SENP7: variants seen among roughly 807,000 people sequenced by gnomAD.
SENP7 encodes the protein SUMO specific peptidase 7.
Under a neutral mutation model 141.2 loss-of-function variants are expected in SENP7, and 64 were observed. The ratio of observed to expected loss-of-function variants is 0.45; its 90% CI spans 0.37 to 0.56. The LOEUF (loss-of-function observed/expected upper bound fraction) is 0.56. Ranked by LOEUF, SENP7 falls within the 20% of genes least tolerant of loss-of-function variation. The pLI, the probability that SENP7 is intolerant of heterozygous loss-of-function variation, is 0.00. For missense variants in SENP7, 1,025 were observed against 1,212.2 expected (o/e 0.85, Z 2.29); for synonymous variants, 382 against 426.4 (o/e 0.90, Z 1.28).
Position 101,343,860 on chromosome 3 carries a change from T to A in SENP7, c.1932A>T (p.Ile644=). The A allele has an allele frequency of 1.2e-6, 2 of 1,613,696 alleles. No individual in the cohort carries two copies. Among genetic ancestry groups the A allele is most frequent in the Non-Finnish European group, 1.7e-6 (2 of 1,179,714 alleles). The change falls in exon 14 of 24, where the codon ATA becomes ATT. Residue 644 remains isoleucine, a synonymous_variant. Transcript: ENST00000394095. The stretch of plus-strand genomic sequence containing the variant: ...AAGAAAGCTCTAATTCTCCACTGAT[T>A]ATACTTATTTCCGTCATAATATCTT... ...KLKDIMTEIS[I]ISGELELSYP...
At chr3:101,404,511 G>A (rs892928665) in intron 5 of SENP7, among the ~76,000 whole-genome samples, 10 of 152,118 alleles carry the variant, frequency 6.6e-5, no homozygotes, top group South Asian at 6.2e-4. Flanking sequence ...AGGCAGGCAC[G>A]GGCAAAGATT....
intron 16 of SENP7, among the ~76,000 whole-genome samples, chr3:101,338,043 C>T (rs2059233751): frequency 6.6e-6 from 1 of 151,688 alleles, no homozygotes; most frequent in African/African-American, 2.4e-5. Flanking sequence ...GTCCCAGCTA[C>T]TCAGAGGGCT....
At chr3:101,445,901 A>C (rs1426041544) in intron 4 of SENP7, among the ~76,000 whole-genome samples, 1 of 152,214 alleles carries the variant, frequency 6.6e-6, no homozygotes, top group African/African-American at 2.4e-5. Context: ...ACATATTATT[A>C]GAGTTAAAAA....
At position 101,341,636 on chromosome 3, in the gene SENP7, C is replaced by T. The variant is rs1423587139; in HGVS notation, c.2240+10G>A. Reference sequence around the variant, plus strand: ...CCCATCTACTACAAACATGCTATGACAGTACATACTTCTGAACAAGTCCAG... The same window carrying T: ...CCCATCTACTACAAACATGCTATGATAGTACATACTTCTGAACAAGTCCAG... On this transcript the variant is annotated intron_variant, in intron 15 of 23. Transcript: ENST00000394095. 6.4e-7 allele frequency: 1 copy of T among 1,567,066 alleles called. No individual in the cohort carries two copies. Among genetic ancestry groups the T allele is most frequent in the East Asian group, 2.3e-5 (1 of 44,124 alleles).
intron 19 of SENP7, among the ~76,000 whole-genome samples, chr3:101,330,736 CTA>C (rs1335961812): frequency 6.6e-6 from 1 of 152,162 alleles, no homozygotes; most frequent in Non-Finnish European, 1.5e-5. Context: ...GTGCTTCTAA[CTA>C]TGACCATATA....
intron 11 of SENP7, chr3:101,357,445 G>C: frequency 9.5e-7 from 1 of 1,050,986 alleles, no homozygotes; most frequent in Non-Finnish European, 1.4e-6. Flanking sequence ...TGACTACGAA[G>C]AGACATAAGA....
intron 4 of SENP7, among the ~76,000 whole-genome samples, chr3:101,430,226 C>T (rs1391496178): frequency 6.6e-6 from 1 of 152,120 alleles, no homozygotes; most frequent in East Asian, 1.9e-4. Flanking sequence ...AGATTTTCCT[C>T]TTTTTCTATC....
chr3:101,439,238 G>A (rs2062532617), intron 4 of SENP7, among the ~76,000 whole-genome samples: 2 of 106,242 alleles, frequency 1.9e-5, no homozygotes, highest in Non-Finnish European at 4.0e-5. Context: ...CGTCTGGGAG[G>A]TGAGGAGCGT....
At chr3:101,345,777 T>C (rs1388913049) in intron 13 of SENP7, among the ~76,000 whole-genome samples, 1 of 152,118 alleles carries the variant, frequency 6.6e-6, no homozygotes, top group Non-Finnish European at 1.5e-5. Context: ...TCAAAATGGA[T>C]CAAAGACTTA....
chr3:101,449,327 T>C (rs922489413), intron 4 of SENP7, among the ~76,000 whole-genome samples: 2 of 152,100 alleles, frequency 1.3e-5, no homozygotes, highest in African/African-American at 2.4e-5. Flanking sequence ...ACTTCCCCAA[T>C]CTAGCAAGGC....
At chr3:101,463,414 T>TAC (rs1559865731) in intron 3 of SENP7, among the ~76,000 whole-genome samples, 7 of 127,924 alleles carry the variant, frequency 5.5e-5, no homozygotes, top group African/African-American at 1.9e-4. Flanking sequence ...TATATATATA[T>TAC]ATACACACAC....
chr3:101,424,870 G>A lies in SENP7; in HGVS notation c.285-7080C>T, dbSNP rs533180862. On this transcript the variant is annotated intron_variant, in intron 4 of 23. Transcript: ENST00000394095. ...TCCCACCCAAATCTCATCTTCCCACGTGTTGTGGGAGGGACCTAGTGGGAG... is the reference window on the plus strand; with the variant it reads ...TCCCACCCAAATCTCATCTTCCCACATGTTGTGGGAGGGACCTAGTGGGAG... Among the ~76,000 whole-genome samples, 13 of 152,288 alleles carry A rather than the reference G, an allele frequency of 8.5e-5. No homozygotes were observed. The South Asian group carries it at 1.2e-3, about 15-fold the overall frequency.
intron 4 of SENP7, chr3:101,457,495 C>T (rs2063392592): frequency 6.2e-7 from 1 of 1,609,654 alleles, no homozygotes; most frequent in South Asian, 1.1e-5. Flanking sequence ...GATGCCTGAA[C>T]TTTAGGGTTG....
At chr3:101,483,077 G>A (rs1576489105) in intron 3 of SENP7, among the ~76,000 whole-genome samples, 1 of 152,124 alleles carries the variant, frequency 6.6e-6, no homozygotes, top group East Asian at 1.9e-4. Context: ...ATTTGAACCA[G>A]CAATCCCATT....
chr3:101,368,932 T>C (rs2060109883), intron 7 of SENP7, among the ~76,000 whole-genome samples: 2 of 152,204 alleles, frequency 1.3e-5, no homozygotes, highest in African/African-American at 4.8e-5. Flanking sequence ...TGCTCTGTAG[T>C]TGGCTATAAT....
intron 11 of SENP7, 95 bp downstream of exon 11, chr3:101,361,620 T>G (rs1440960697): frequency 7.9e-7 from 1 of 1,260,870 alleles, no homozygotes; most frequent in Non-Finnish European, 1.0e-6. Flanking sequence ...TAAATCTTAA[T>G]TCTATTCTTA....
At chr3:101,425,532 T>A (rs1351749168) in intron 4 of SENP7, among the ~76,000 whole-genome samples, 1 of 152,130 alleles carries the variant, frequency 6.6e-6, no homozygotes, top group Non-Finnish European at 1.5e-5. Flanking sequence ...CTTCAAAGAC[T>A]GAAGGAACTT....
chr3:101,349,210 C>T (rs958085911), intron 12 of SENP7, among the ~76,000 whole-genome samples: 12 of 152,142 alleles, frequency 7.9e-5, no homozygotes, highest in African/African-American at 2.7e-4. Context: ...CATACTGTAA[C>T]TCTTCCATTC....
At chr3:101,406,484 A>G (rs2061310706) in intron 5 of SENP7, among the ~76,000 whole-genome samples, 2 of 152,078 alleles carry the variant, frequency 1.3e-5, no homozygotes, top group African/African-American at 4.8e-5. Flanking sequence ...TCTAATGTAA[A>G]TGACGAGTTA....
Sources: gnomAD v4.1 joint callset for allele counts (sites outside exome capture counted in the v4.1 genomes callset) on GRCh38, gnomAD v4.1.1 for gene constraint, MANE v1.5 for transcripts, NCBI Gene and HGNC (gene_info 2026-07-23, HGNC 2026-07-21) for gene names.